Variants in CIB3 observed in about 807,000 individuals in gnomAD.
CIB3 encodes calcium and integrin-binding family member 3.
Under a neutral mutation model 23.4 loss-of-function variants are expected in CIB3, and 22 were observed. The ratio of observed to expected loss-of-function variants is 0.94; its 90% CI spans 0.67 to 1.34. CIB3 has a LOEUF of 1.34. CIB3 is among the 40% of genes most tolerant of loss of function. The pLI, the probability that CIB3 is intolerant of heterozygous loss-of-function variation, is 0.00. For synonymous variants in CIB3, 93 were observed against 95.8 expected (o/e 0.97, Z 0.17); for missense variants, 258 against 247.3 (o/e 1.04, Z -0.29).
intron 4 of CIB3, among the ~76,000 whole-genome samples, chr19:16,167,241 CA>C (rs964915186): frequency 2.4e-4 from 37 of 151,628 alleles, no homozygotes; most frequent in African/African-American, 8.5e-4. Context: ...AACACACACA[CA>C]AAAAAAACAA....
intron 2 of CIB3, among the ~76,000 whole-genome samples, chr19:16,172,461 G>A (rs902911089): frequency 6.6e-6 from 1 of 152,054 alleles, no homozygotes; most frequent in South Asian, 2.1e-4. Flanking sequence ...AGCCTCAGGA[G>A]AATCTTTCTA....
chr19:16,172,980 A>AG, intron 2 of CIB3, among the ~76,000 whole-genome samples, 182 bp downstream of exon 2: 1 of 141,162 alleles, frequency 7.1e-6, no homozygotes, highest in African/African-American at 2.6e-5. Flanking sequence ...GAAGGAAGGA[A>AG]GGAAGGGAGG....
At chr19:16,162,343 T>G (rs2091288067) in intron 5 of CIB3, among the ~76,000 whole-genome samples, 1 of 152,042 alleles carries the variant, frequency 6.6e-6, no homozygotes, top group Non-Finnish European at 1.5e-5. Context: ...AGGATTGCTC[T>G]TGAGCCCAGG....
At chr19:16,171,693 G>A (rs2091328836) in intron 2 of CIB3, among the ~76,000 whole-genome samples, 1 of 152,144 alleles carries the variant, frequency 6.6e-6, no homozygotes, top group South Asian at 2.1e-4. Flanking sequence ...TGGGGCCTTG[G>A]GGCTCTGTGC....
intron 2 of CIB3, 37 bp from the exon 3 acceptor site, chr19:16,169,778 G>C: frequency 2.0e-6 from 3 of 1,538,120 alleles, no homozygotes; most frequent in Non-Finnish European, 2.6e-6. Context: ...AAGACTGGGA[G>C]CAGGGAGCAG....
chr19:16,161,382 TTGTGTTTATTCTCAGAAACCA>T lies in CIB3; in HGVS notation c.*62_*82del. The T allele has an allele frequency of 2.9e-6, 4 of 1,393,998 alleles. No individual in the cohort carries two copies. Among genetic ancestry groups the T allele is most frequent in the Non-Finnish European group, 4.1e-6 (4 of 979,508 alleles). 86.4% of individuals were successfully genotyped at this position (1,393,998 alleles called of 1,614,324 possible). The stretch of plus-strand genomic sequence containing the variant: ...CTCCCAGCAGGTGTGACTCAGTGAC[TTGTGTTTATTCTCAGAAACCA>T]GAGTCCACAGCGGGTGAGGGGTCAC... On this transcript the variant is annotated 3_prime_UTR_variant, in exon 6 of 6. Coordinates refer to ENST00000269878, the MANE Select transcript of CIB3 (RefSeq NM_054113.4).
At chr19:16,171,494 A>G (rs2091328065) in intron 2 of CIB3, among the ~76,000 whole-genome samples, 1 of 152,138 alleles carries the variant, frequency 6.6e-6, no homozygotes, top group Non-Finnish European at 1.5e-5. Context: ...TAGGAACTCA[A>G]TGAAGGTGGG....
chr19:16,167,864 A>G (rs1251913916), intron 4 of CIB3, among the ~76,000 whole-genome samples: 1 of 152,168 alleles, frequency 6.6e-6, no homozygotes, highest in African/African-American at 2.4e-5. Context: ...CAATAAATAA[A>G]TAAGGAGCAA....
Position 16,161,422 on chromosome 19 carries a change from G to C in CIB3, c.*43C>G. 1 of 1,606,578 alleles carries C rather than the reference G, an allele frequency of 6.2e-7. No homozygotes were observed. On this transcript the variant is annotated 3_prime_UTR_variant, in exon 6 of 6. Transcript: ENST00000269878. ...GAAACCAGAGTCCACAGCGGGTGAG[G>C]GGTCACCCCGCCCTCCTATAGCTCG...
At chr19:16,168,441 C>T (rs1328931352) in intron 3 of CIB3, among the ~76,000 whole-genome samples, 157 bp from the exon 4 acceptor site, 1 of 152,148 alleles carries the variant, frequency 6.6e-6, no homozygotes, top group Non-Finnish European at 1.5e-5. Context: ...CTTTGGACAA[C>T]TCCACCCTCC....
rs575708198 is a variant in CIB3, at chr19:16,161,505, G to A, written c.543-19C>T. On this transcript the variant is annotated intron_variant, in intron 5 of 5. Transcript: ENST00000269878. The stretch of plus-strand genomic sequence containing the variant: ...GAAGGTGCTGTGTGCAGAGAGAAAA[G>A]GAGTCAAGGCCTTCAAGGAGTGGAC... The A allele has an allele frequency of 6.9e-4, 1,109 of 1,613,768 alleles. 18 individuals are homozygous for A. The South Asian group carries it at 0.012, about 17-fold the overall frequency.
chr19:16,166,716 A>C (rs1418840571), intron 4 of CIB3, among the ~76,000 whole-genome samples: 2 of 152,208 alleles, frequency 1.3e-5, no homozygotes, highest in African/African-American at 2.4e-5. Flanking sequence ...TCATTCATGC[A>C]ACAAGTATTT....
At chr19:16,170,715 G>A (rs571356958) in intron 2 of CIB3, among the ~76,000 whole-genome samples, 5 of 152,142 alleles carry the variant, frequency 3.3e-5, no homozygotes, top group Middle Eastern at 6.8e-3. Context: ...CCAACTACTC[G>A]GGAGGCCGAG....
rs768532675 is a variant in CIB3, at chr19:16,164,706, G to A, written c.542+12C>T. 51 of 1,611,520 alleles carry A rather than the reference G, an allele frequency of 3.2e-5. No homozygotes were observed. Among genetic ancestry groups the A allele is most frequent in the African/African-American group, 9.4e-5 (7 of 74,840 alleles). ...GTGCAAATGGACTGTGGGCGGTGAC[G>A]GAGAGCATCACCTGAGGAAGTCTGG... On this transcript the variant is annotated intron_variant, in intron 5 of 5. Transcript: ENST00000269878.
chr19:16,173,339 C>T, intron 1 of CIB3, 86 bp downstream of exon 1: 7 of 1,554,024 alleles, frequency 4.5e-6, no homozygotes, highest in Non-Finnish European at 6.2e-6. Context: ...GACGGTACAC[C>T]CAGATGAAGG....
intron 4 of CIB3, 123 bp downstream of exon 4, chr19:16,168,014 G>T: frequency 8.0e-7 from 1 of 1,254,734 alleles, no homozygotes. Flanking sequence ...GAGTGGGGTG[G>T]AGGACAGGGC....
At chr19:16,161,717 T>A (rs1639491408) in intron 5 of CIB3, among the ~76,000 whole-genome samples, 1 of 138,488 alleles carries the variant, frequency 7.2e-6, no homozygotes, top group Non-Finnish European at 1.5e-5. Context: ...TTGCTCTGTC[T>A]CCCAGGCTGT....
At chr19:16,167,766 A>T (rs929912389) in intron 4 of CIB3, among the ~76,000 whole-genome samples, 4 of 152,220 alleles carry the variant, frequency 2.6e-5, no homozygotes, top group Non-Finnish European at 5.9e-5. Context: ...TGGGAGGCGG[A>T]GACTGCAGTA....
At chr19:16,168,433 T>C (rs1599436386) in intron 3 of CIB3, 149 bp from the exon 4 acceptor site, 2 of 1,158,420 alleles carry the variant, frequency 1.7e-6, no homozygotes, top group South Asian at 1.6e-5. Context: ...GGACAGGACT[T>C]TGGACAACTC....
Sources: gnomAD v4.1 joint callset for allele counts (sites outside exome capture counted in the v4.1 genomes callset) on GRCh38, gnomAD v4.1.1 for gene constraint, MANE v1.5 for transcripts, NCBI Gene and HGNC (gene_info 2026-07-23, HGNC 2026-07-21) for gene names.